The following SGCZ variants were observed in gnomAD, a reference collection of about 807,000 sequenced individuals.
SGCZ encodes zeta-sarcoglycan.
In SGCZ, 40 loss-of-function variants were observed where a neutral mutation model predicts 41.3. The observed-to-expected ratio is 0.97, with a 90% CI of 0.75 to 1.26. SGCZ has a LOEUF of 1.26. Among genes scored for constraint, SGCZ ranks in the 50% most tolerant of loss-of-function variants. The pLI, the probability that SGCZ is intolerant of heterozygous loss-of-function variation, is 0.00. For missense variants in SGCZ, 552 were observed against 369.8 expected (o/e 1.49, Z -4.04); for synonymous variants, 206 against 137.5 (o/e 1.50, Z -3.49).
At chr8:14,288,298 C>G (rs1800711781) in intron 3 of SGCZ, among the ~76,000 whole-genome samples, 1 of 152,006 alleles carries the variant, frequency 6.6e-6, no homozygotes, top group African/African-American at 2.4e-5. Flanking sequence ...AAAATTTACC[C>G]TAGAATAATT....
At chr8:14,320,435 T>A (rs1801880441) in intron 3 of SGCZ, among the ~76,000 whole-genome samples, 1 of 150,908 alleles carries the variant, frequency 6.6e-6, no homozygotes, top group South Asian at 2.1e-4. Context: ...ACTGAATTCT[T>A]TTATTATTAT....
chr8:14,987,393 T>C (rs1023551113), intron 1 of SGCZ, among the ~76,000 whole-genome samples: 1 of 152,096 alleles, frequency 6.6e-6, no homozygotes, highest in African/African-American at 2.4e-5. Context: ...GGCCTTCTTC[T>C]ATATAAATCC....
chr8:14,316,854 C>G (rs11994216), intron 3 of SGCZ, among the ~76,000 whole-genome samples: 1 of 149,922 alleles, frequency 6.7e-6, no homozygotes, highest in Non-Finnish European at 1.5e-5. Flanking sequence ...CACACACACA[C>G]GCCCTGCACT....
At chr8:14,198,117 A>C (rs1418663411) in intron 4 of SGCZ, among the ~76,000 whole-genome samples, 1 of 152,206 alleles carries the variant, frequency 6.6e-6, no homozygotes, top group Non-Finnish European at 1.5e-5. Context: ...AACAATTCAT[A>C]AGTTTTAAAC....
At chr8:14,787,264 G>C (rs1232779333) in intron 1 of SGCZ, among the ~76,000 whole-genome samples, 1 of 152,070 alleles carries the variant, frequency 6.6e-6, no homozygotes, top group Non-Finnish European at 1.5e-5. Flanking sequence ...TGAAATTCAG[G>C]TGTATCCTCC....
In SGCZ at chr8:14,090,183, A is replaced by G. The variant is rs77245943; in HGVS notation, c.*260T>C. On this transcript the variant is annotated 3_prime_UTR_variant, in exon 8 of 8. Transcript: ENST00000382080. ...TTCGCGTAGCAAAGGCACCTATGTTATTCTCCCTTTCGAGCAAAAGTCATG... is the reference window on the plus strand; with the variant it reads ...TTCGCGTAGCAAAGGCACCTATGTTGTTCTCCCTTTCGAGCAAAAGTCATG... The G allele has an allele frequency of 5.3e-3, 1,673 of 318,282 alleles. 36 individuals are homozygous for G. Among genetic ancestry groups the G allele is most frequent in the African/African-American group, 0.033 (1,533 of 47,094 alleles). The allele number at this position is 318,282 out of a possible 1,614,324, so 19.7% of individuals were successfully genotyped here. A position where few individuals can be genotyped will look rare whatever the true frequency, so the allele number is the denominator to read the frequency against.
intron 1 of SGCZ, among the ~76,000 whole-genome samples, chr8:14,694,348 A>G (rs1288684714): frequency 6.6e-6 from 1 of 152,086 alleles, no homozygotes; most frequent in Non-Finnish European, 1.5e-5. Flanking sequence ...CAAAGAATCT[A>G]TTTTTCTGGG....
intron 1 of SGCZ, among the ~76,000 whole-genome samples, chr8:14,995,947 G>T (rs375734636): frequency 5.9e-5 from 9 of 151,660 alleles, no homozygotes; most frequent in Admixed American, 4.0e-4. Context: ...TCTGTTGTCC[G>T]GGGTGGAGTG....
At chr8:14,684,379 A>G (rs1473229044) in intron 1 of SGCZ, among the ~76,000 whole-genome samples, 1 of 152,146 alleles carries the variant, frequency 6.6e-6, no homozygotes, top group Non-Finnish European at 1.5e-5. Flanking sequence ...ATGTACAGAC[A>G]CATTTTGGTT....
chr8:14,723,673 T>C (rs1226717397), intron 1 of SGCZ, among the ~76,000 whole-genome samples: 2 of 151,720 alleles, frequency 1.3e-5, no homozygotes, highest in African/African-American at 4.8e-5. Context: ...TATTTATCTA[T>C]ATATATATAT....
intron 1 of SGCZ, among the ~76,000 whole-genome samples, chr8:14,798,018 C>T (rs1052362590): frequency 8.5e-5 from 13 of 152,126 alleles, no homozygotes; most frequent in East Asian, 7.7e-4. Flanking sequence ...GCTGCAGGGG[C>T]GGGGCCCTCA....
At chr8:14,807,882 G>C (rs534980034) in intron 1 of SGCZ, among the ~76,000 whole-genome samples, 2 of 152,216 alleles carry the variant, frequency 1.3e-5, no homozygotes, top group East Asian at 3.9e-4. Flanking sequence ...CCAAAACAGA[G>C]ATATAGATCA....
chr8:14,587,107 A>G (rs777153385), intron 1 of SGCZ, among the ~76,000 whole-genome samples: 22 of 152,028 alleles, frequency 1.4e-4, no homozygotes, highest in Non-Finnish European at 3.1e-4. Context: ...GTTAGGCATA[A>G]GCATTAAAGA....
At chr8:15,060,446 A>G (rs1175470136) in intron 1 of SGCZ, among the ~76,000 whole-genome samples, 2 of 142,218 alleles carry the variant, frequency 1.4e-5, no homozygotes, top group Admixed American at 7.6e-5. Context: ...GCACGTTCTC[A>G]CTCATAGGTG....
intron 1 of SGCZ, among the ~76,000 whole-genome samples, chr8:15,117,752 AT>A (rs1807325892): frequency 6.6e-6 from 1 of 152,336 alleles, no homozygotes; most frequent in Non-Finnish European, 1.5e-5. Flanking sequence ...TAAGTTGATA[AT>A]TTAACCACTC....
chr8:14,679,758 C>T (rs72607332), intron 1 of SGCZ, among the ~76,000 whole-genome samples: 30,171 of 151,792 alleles, frequency 0.2, 3,623 homozygotes, highest in East Asian at 0.44. Flanking sequence ...AATGTCTTAT[C>T]CCTTTATATT....
chr8:14,435,569 G>A (rs955783742), intron 2 of SGCZ, among the ~76,000 whole-genome samples: 4 of 152,080 alleles, frequency 2.6e-5, no homozygotes, highest in African/African-American at 9.7e-5. Context: ...TCTGAGCCAC[G>A]ATAGTAAGTC....
intron 1 of SGCZ, among the ~76,000 whole-genome samples, chr8:14,751,689 C>T (rs1799502643): frequency 6.6e-6 from 1 of 152,090 alleles, no homozygotes; most frequent in South Asian, 2.1e-4. Flanking sequence ...GCTGTGACTA[C>T]AGGTACCTGC....
At chr8:15,154,544 T>C (rs1216350978) in intron 1 of SGCZ, among the ~76,000 whole-genome samples, 1 of 152,180 alleles carries the variant, frequency 6.6e-6, no homozygotes, top group Non-Finnish European at 1.5e-5. Flanking sequence ...GAGCAAATAA[T>C]AGTCTATCAT....
Sources: allele counts gnomAD v4.1 joint callset (sites outside exome capture counted in the v4.1 genomes callset), GRCh38; gene constraint gnomAD v4.1.1; transcripts MANE v1.5; gene names NCBI Gene and HGNC (gene_info 2026-07-23, HGNC 2026-07-21).